The following WRNIP1 variants were observed in gnomAD, a reference collection of about 807,000 sequenced individuals.
WRNIP1 encodes WRN helicase interacting protein 1.
In WRNIP1, 41 loss-of-function variants were observed where a neutral mutation model predicts 56.1. The ratio of observed to expected loss-of-function variants is 0.73; its 90% CI spans 0.57 to 0.95. The LOEUF is 0.95. WRNIP1 is among the 40% of genes least tolerant of loss of function. The pLI is 0.00. For missense variants in WRNIP1, 1,170 were observed against 939.4 expected, an observed-to-expected ratio of 1.25 and a Z score of -3.21; for synonymous variants, 547 against 398.1, an observed-to-expected ratio of 1.37 and a Z score of -4.45.
intron 2 of WRNIP1, 110 bp downstream of exon 2, chr6:2,768,992 C>A: frequency 8.7e-7 from 1 of 1,144,146 alleles, no homozygotes; most frequent in Non-Finnish European, 1.2e-6. Context: ...TACAAAGAAG[C>A]GTAGGCTTGT....
chr6:2,765,883 G>T lies in WRNIP1; in HGVS notation c.261G>T (p.Thr87=). 6.9e-7 allele frequency: 1 copy of T among 1,450,482 alleles called. No individual in the cohort carries two copies. The highest frequency in any genetic ancestry group is 9.1e-7 in the Non-Finnish European group (1 of 1,103,196). The allele number at this position is 1,450,482 out of a possible 1,614,324, so 89.9% of individuals were successfully genotyped here. A position where few individuals can be genotyped will look rare whatever the true frequency, so the allele number is the denominator to read the frequency against. The part of the protein sequence containing the change: ...SSALKQPATP[T]AAESSEGEGE... ...CGCTGAAGCAGCCAGCCACCCCGAC[G>T]GCAGCCGAGAGCAGCGAGGGCGAGG... is the stretch of plus-strand genomic sequence containing the variant. Residue 87 remains threonine (T), a synonymous_variant, in exon 1 of 7, where the codon ACG becomes ACT. Coordinates refer to ENST00000380773, the MANE Select transcript of WRNIP1 (RefSeq NM_020135.3).
chr6:2,781,792 A>C (rs1190678085), intron 4 of WRNIP1, among the ~76,000 whole-genome samples: 1 of 152,254 alleles, frequency 6.6e-6, no homozygotes, highest in African/African-American at 2.4e-5. Flanking sequence ...GAATCTTTTT[A>C]CAGTGCCTGC....
In WRNIP1 at chr6:2,766,189, G is replaced by C. The variant is rs1764967261; in HGVS notation, c.567G>C (p.Trp189Cys). The C allele has an allele frequency of 7.2e-7, 1 of 1,390,444 alleles. No individual in the cohort carries two copies. The allele number at this position is 1,390,444 out of a possible 1,614,324, so 86.1% of individuals were successfully genotyped here. ...DADGEDDPGH[W>C]DADAAEAATA... ...ACGGCGAGGACGACCCGGGGCACTG[G>C]GACGCGGACGCTGCCGAAGCCGCCA... The change falls in exon 1 of 7, where the codon TGG becomes TGC. Residue 189 changes from tryptophan (W) to cysteine (C), a missense_variant. Physicochemically the swap from Trp to Cys is radical, Grantham distance 215. Transcript: ENST00000380773.
intron 3 of WRNIP1, among the ~76,000 whole-genome samples, chr6:2,776,976 T>C (rs1224926273): frequency 6.6e-6 from 1 of 152,236 alleles, no homozygotes; most frequent in Non-Finnish European, 1.5e-5. Flanking sequence ...CAAACAATTA[T>C]TTAATGGTTA....
chr6:2,770,029 GA>G, intron 2 of WRNIP1, 90 bp from the exon 3 acceptor site: 2 of 1,551,482 alleles, frequency 1.3e-6, no homozygotes, highest in Non-Finnish European at 1.7e-6. Context: ...TAAAAATGAG[GA>G]AAAGGAAGGA....
Position 2,785,191 on chromosome 6 carries a change from A to G in WRNIP1, c.1907A>G (p.Lys636Arg), listed in dbSNP as rs1765680882. 1 of 1,614,092 alleles carries G rather than the reference A, an allele frequency of 6.2e-7. No homozygotes were observed. The highest frequency in any genetic ancestry group is 1.7e-5 in the Admixed American group (1 of 60,008). ...MKDLGYGKGY[K>R]YNPMYSEPVD... ...GATTTGGGCTATGGCAAAGGCTACA[A>G]GTACAACCCCATGTACAGCGAGCCT... Residue 636 changes from lysine (K) to arginine (R), a missense_variant, in exon 7 of 7, where the codon AAG (lysine) becomes AGG (arginine). Lys to Arg is a conservative substitution (Grantham distance 26). Coordinates refer to ENST00000380773, the MANE Select transcript of WRNIP1 (RefSeq NM_020135.3).
At chr6:2,780,912 G>C (rs1453139912) in intron 4 of WRNIP1, among the ~76,000 whole-genome samples, 1 of 152,160 alleles carries the variant, frequency 6.6e-6, no homozygotes, top group Non-Finnish European at 1.5e-5. Flanking sequence ...CTCAGCCATT[G>C]AGTATTTTAT....
At chr6:2,772,586 C>T (rs1765328492) in intron 3 of WRNIP1, among the ~76,000 whole-genome samples, 1 of 152,196 alleles carries the variant, frequency 6.6e-6, no homozygotes. Flanking sequence ...TTCTTTAATA[C>T]TATTGCCCTT....
rs941986387 is a variant in WRNIP1 at position 2,766,248 on chromosome 6, A to C, written c.626A>C (p.His209Pro). ...AFGASGGGRP[H>P]PRALAAEEIR... ...GGGGCCAGTGGCGGGGGCCGCCCGCACCCCCGGGCGCTGGCTGCCGAGGAG... is the reference window on the plus strand; with the variant it reads ...GGGGCCAGTGGCGGGGGCCGCCCGCCCCCCCGGGCGCTGGCTGCCGAGGAG... The change falls in exon 1 of 7, where the codon CAC (histidine) becomes CCC (proline). Residue 209 changes from histidine (H) to proline (P), a missense_variant. His to Pro is a moderately conservative substitution (Grantham distance 77, BLOSUM62 -2). Coordinates refer to ENST00000380773, the MANE Select transcript of WRNIP1 (RefSeq NM_020135.3). The C allele has an allele frequency of 6.7e-6, 10 of 1,488,968 alleles. No homozygotes were observed. Among genetic ancestry groups the C allele is most frequent in the East Asian group, 5.3e-5 (2 of 37,682 alleles). The allele number at this position is 1,488,968 out of a possible 1,614,324, so 92.2% of individuals were successfully genotyped here. A position where few individuals can be genotyped will look rare whatever the true frequency, so the allele number is the denominator to read the frequency against.
intron 4 of WRNIP1, among the ~76,000 whole-genome samples, chr6:2,780,586 C>T (rs1182553649): frequency 6.6e-6 from 1 of 152,198 alleles, no homozygotes; most frequent in African/African-American, 2.4e-5. Flanking sequence ...CTGGCTCTCC[C>T]TAGTGCTCTG....
chr6:2,771,941 T>A (rs979748982), intron 3 of WRNIP1, among the ~76,000 whole-genome samples: 1 of 152,226 alleles, frequency 6.6e-6, no homozygotes, highest in Non-Finnish European at 1.5e-5. Flanking sequence ...TGTACTTGTC[T>A]GGGGTGATTT....
rs888032886 is a variant in WRNIP1, at chr6:2,765,908, G to A, written c.286G>A (p.Gly96Ser). ...PTAAESSEGE[G>S]EEGDDGGETE... Reference sequence around the variant, plus strand: ...GGCAGCCGAGAGCAGCGAGGGCGAGGGTGAGGAGGGCGACGACGGCGGCGA... The same window carrying A: ...GGCAGCCGAGAGCAGCGAGGGCGAGAGTGAGGAGGGCGACGACGGCGGCGA... The change falls in exon 1 of 7, where the codon GGT becomes AGT. Residue 96 changes from glycine (G) to serine (S), a missense_variant. Gly to Ser is a moderately conservative substitution (Grantham distance 56). Transcript: ENST00000380773. 6 of 1,455,414 alleles carry A rather than the reference G, an allele frequency of 4.1e-6. No homozygotes were observed. Among genetic ancestry groups the A allele is most frequent in the South Asian group, 1.3e-5 (1 of 76,232 alleles). The allele number at this position is 1,455,414 out of a possible 1,614,324, so 90.2% of individuals were successfully genotyped here.
intron 2 of WRNIP1, among the ~76,000 whole-genome samples, chr6:2,769,572 C>T (rs1459360767): frequency 6.6e-6 from 1 of 151,832 alleles, no homozygotes; most frequent in Non-Finnish European, 1.5e-5. Context: ...TTTTTTGAAC[C>T]TTTTTGAATA....
chr6:2,774,234 C>T (rs1765380267), intron 3 of WRNIP1: 4 of 985,264 alleles, frequency 4.1e-6, no homozygotes, highest in Non-Finnish European at 4.8e-6. Flanking sequence ...CATAAAAGCA[C>T]CAGCAGCCAG....
chr6:2,766,515 C>G, intron 1 of WRNIP1, 71 bp downstream of exon 1: 1 of 1,429,824 alleles, frequency 7.0e-7, no homozygotes, highest in East Asian at 2.6e-5. Flanking sequence ...GTCGGAGAGC[C>G]GGGTGTGCTG....
rs535835754 is a variant in WRNIP1 at position 2,765,823 on chromosome 6, C to T, written c.201C>T (p.Pro67=). ...AGCGGGCCAAGGGGCCCTCGCCGCC[C>T]GGCGCCAAGAGGCGGCGGCTGTCGG... ...AGERAKGPSP[P]GAKRRRLSES... Residue 67 remains proline (P), a synonymous_variant, in exon 1 of 7, where the codon CCC becomes CCT. Coordinates refer to ENST00000380773, the MANE Select transcript of WRNIP1 (RefSeq NM_020135.3). 3.8e-5 allele frequency: 52 copies of T among 1,357,484 alleles called. No homozygotes were observed. The South Asian group carries it at 5.5e-4, about 14-fold the overall frequency. 84.1% of individuals were successfully genotyped at this position (1,357,484 alleles called of 1,614,324 possible).
Position 2,765,838 on chromosome 6 carries a change from G to A in WRNIP1, c.216G>A (p.Arg72=), listed in dbSNP as rs530268935. Residue 72 remains arginine, a synonymous_variant, in exon 1 of 7, where the codon CGG becomes CGA. Transcript: ENST00000380773. ...CCTCGCCGCCCGGCGCCAAGAGGCG[G>A]CGGCTGTCGGAGAGCTCGGCGCTGA... The part of the protein sequence containing the change: ...KGPSPPGAKR[R]RLSESSALKQ... 4 of 1,382,994 alleles carry A rather than the reference G, an allele frequency of 2.9e-6. No individual in the cohort carries two copies. The South Asian group carries it at 4.8e-5, about 17-fold the overall frequency. The allele number at this position is 1,382,994 out of a possible 1,614,324, so 85.7% of individuals were successfully genotyped here. A position where few individuals can be genotyped will look rare whatever the true frequency, so the allele number is the denominator to read the frequency against.
chr6:2,774,162 A>G, intron 3 of WRNIP1: 2 of 985,224 alleles, frequency 2.0e-6, no homozygotes, highest in Non-Finnish European at 1.2e-6. Context: ...AAAATTTTTT[A>G]AGTACATTAA....
At chr6:2,766,555 G>C (rs1765005198) in intron 1 of WRNIP1, 111 bp downstream of exon 1, 1 of 1,407,134 alleles carries the variant, frequency 7.1e-7, no homozygotes. Context: ...GCCTCTCCTG[G>C]ATAAGGGGGT....
Sources: allele counts gnomAD v4.1 joint callset (sites outside exome capture counted in the v4.1 genomes callset), GRCh38; gene constraint gnomAD v4.1.1; transcripts MANE v1.5; gene names NCBI Gene and HGNC (gene_info 2026-07-23, HGNC 2026-07-21).